Variants in ARHGAP42 observed in about 807,000 individuals in gnomAD.
The protein encoded by ARHGAP42 is rho GTPase-activating protein 42.
A neutral mutation model predicts 125.0 loss-of-function variants in ARHGAP42; 63 were observed. That is an observed-to-expected ratio of 0.50 (90% CI 0.41 to 0.62). ARHGAP42 has a LOEUF of 0.62. ARHGAP42 is among the 20% of genes least tolerant of loss of function. ARHGAP42 has a pLI of 0.00. For missense variants in ARHGAP42, 766 were observed against 1,024.2 expected (o/e 0.75, Z 3.44); for synonymous variants, 339 against 351.0 (o/e 0.97, Z 0.38).
At chr11:100,860,643 G>T (rs1865423884) in intron 4 of ARHGAP42, among the ~76,000 whole-genome samples, 1 of 151,894 alleles carries the variant, frequency 6.6e-6, no homozygotes, top group Admixed American at 6.6e-5. Flanking sequence ...TTGAAGTCTT[G>T]CCAGACTTCA....
chr11:100,728,722 A>G (rs1415638919), intron 1 of ARHGAP42, among the ~76,000 whole-genome samples: 10 of 40,354 alleles, frequency 2.5e-4, no homozygotes, highest in African/African-American at 5.4e-4. Context: ...GCGTATATAT[A>G]TATATATATA....
chr11:100,770,494 A>G (rs1862947102), intron 2 of ARHGAP42, 56 bp downstream of exon 2: 7 of 1,177,876 alleles, frequency 5.9e-6, no homozygotes, highest in East Asian at 2.6e-5. Context: ...ACTGAAATCA[A>G]ATAGACACAC....
At chr11:100,800,199 A>G (rs1173666688) in intron 3 of ARHGAP42, among the ~76,000 whole-genome samples, 3 of 152,212 alleles carry the variant, frequency 2.0e-5, no homozygotes, top group African/African-American at 7.2e-5. Flanking sequence ...ATGGTGCTGG[A>G]TTAAGGAGAC....
At chr11:100,708,387 C>T (rs1861511598) in intron 1 of ARHGAP42, among the ~76,000 whole-genome samples, 1 of 152,126 alleles carries the variant, frequency 6.6e-6, no homozygotes, top group South Asian at 2.1e-4. Flanking sequence ...GTGGCACACG[C>T]CTTTAGTCCC....
chr11:100,940,667 A>G (rs1867858160), intron 8 of ARHGAP42, among the ~76,000 whole-genome samples: 1 of 152,222 alleles, frequency 6.6e-6, no homozygotes, highest in African/African-American at 2.4e-5. Flanking sequence ...TTCATTTTAA[A>G]GAGTAATTTG....
chr11:100,924,171 A>C (rs1296863144), intron 6 of ARHGAP42, among the ~76,000 whole-genome samples: 2 of 152,138 alleles, frequency 1.3e-5, no homozygotes, highest in Non-Finnish European at 2.9e-5. Flanking sequence ...GCATTAGAGT[A>C]AAGCAAATGG....
intron 3 of ARHGAP42, among the ~76,000 whole-genome samples, chr11:100,796,513 A>G (rs991319503): frequency 6.6e-6 from 1 of 152,212 alleles, no homozygotes; most frequent in Non-Finnish European, 1.5e-5. Context: ...AAGTTTAGTG[A>G]AGAAGGCATG....
chr11:100,690,334 A>G (rs1010787487), intron 1 of ARHGAP42, among the ~76,000 whole-genome samples: 1 of 152,082 alleles, frequency 6.6e-6, no homozygotes, highest in Non-Finnish European at 1.5e-5. Flanking sequence ...TTCTAAGCAT[A>G]TTATATTATT....
At chr11:100,921,638 C>G (rs1384291361) in intron 6 of ARHGAP42, 34 bp downstream of exon 6, 1 of 1,278,594 alleles carries the variant, frequency 7.8e-7, no homozygotes, top group Non-Finnish European at 1.1e-6. Flanking sequence ...ATGGTGGGCT[C>G]AAAACAATCT....
At chr11:100,724,382 G>T (rs886189561) in intron 1 of ARHGAP42, among the ~76,000 whole-genome samples, 8 of 152,086 alleles carry the variant, frequency 5.3e-5, no homozygotes, top group African/African-American at 1.7e-4. Context: ...GTAAGAACTC[G>T]TGGAGAATTG....
At chr11:100,974,320 A>G (rs1028658838) in intron 18 of ARHGAP42, 139 bp from the exon 19 acceptor site, 1 of 763,178 alleles carries the variant, frequency 1.3e-6, no homozygotes, top group African/African-American at 1.7e-5. Flanking sequence ...AATACTCCAG[A>G]TAAATGGAAA....
At chr11:100,905,340 T>TA (rs1237898687) in intron 4 of ARHGAP42, among the ~76,000 whole-genome samples, 2 of 152,240 alleles carry the variant, frequency 1.3e-5, no homozygotes, top group Non-Finnish European at 2.9e-5. Context: ...GCTTAATTTA[T>TA]ATGCCTTCAC....
intron 3 of ARHGAP42, among the ~76,000 whole-genome samples, chr11:100,828,022 G>A (rs1447143465): frequency 6.6e-6 from 1 of 152,204 alleles, no homozygotes; most frequent in Non-Finnish European, 1.5e-5. Context: ...TCTCATCCCT[G>A]AGAGCAGGTG....
intron 2 of ARHGAP42, among the ~76,000 whole-genome samples, chr11:100,777,307 G>T (rs1412225412): frequency 1.3e-5 from 2 of 152,216 alleles, no homozygotes; most frequent in Non-Finnish European, 1.5e-5. Context: ...GAGGCTGGGT[G>T]TGCATCAGTG....
Position 100,704,363 on chromosome 11 carries a change from A to G in ARHGAP42, c.154+16531A>G, listed in dbSNP as rs1435507503. On this transcript the variant is annotated intron_variant, in intron 1 of 23. Coordinates refer to ENST00000298815, the MANE Select transcript of ARHGAP42 (RefSeq NM_152432.4). ...AGCTTTTGGGACAGCTTAGAAAGTGAAGCACAGGCCGGAAAAGGCCAGCCT... is the reference window on the plus strand; with the variant it reads ...AGCTTTTGGGACAGCTTAGAAAGTGGAGCACAGGCCGGAAAAGGCCAGCCT... Among the ~76,000 whole-genome samples, 8 of 152,224 alleles carry G rather than the reference A, an allele frequency of 5.3e-5. No individual in the cohort carries two copies. The East Asian group carries it at 1.5e-3, about 29-fold the overall frequency.
chr11:100,928,663 G>C (rs553934947), intron 6 of ARHGAP42, among the ~76,000 whole-genome samples: 5 of 151,996 alleles, frequency 3.3e-5, no homozygotes, highest in Non-Finnish European at 7.4e-5. Flanking sequence ...CAATTCAATG[G>C]AACTTTAGTA....
At chr11:100,749,488 TG>T (rs933303624) in intron 1 of ARHGAP42, among the ~76,000 whole-genome samples, 5 of 150,108 alleles carry the variant, frequency 3.3e-5, no homozygotes, top group Non-Finnish European at 5.9e-5. Context: ...TCGCCTGGCC[TG>T]CCCCGGAAGG....
At position 100,688,231 on chromosome 11, in the gene ARHGAP42, A is replaced by G. The variant is rs1298056966; in HGVS notation, c.154+399A>G. Among the ~76,000 whole-genome samples the G allele has an allele frequency of 3.3e-5, 5 of 152,130 alleles. No individual in the cohort carries two copies. The South Asian group carries it at 8.3e-4, about 25-fold the overall frequency. ...CTTAAAGATAAAATTAGGCTAGTTT[A>G]GTGATATTGAAAGAAAATTATTAAT... On this transcript the variant is annotated intron_variant, in intron 1 of 23. Coordinates refer to ENST00000298815, the MANE Select transcript of ARHGAP42 (RefSeq NM_152432.4).
intron 1 of ARHGAP42, among the ~76,000 whole-genome samples, chr11:100,767,063 C>T (rs1227111654): frequency 1.3e-5 from 2 of 152,182 alleles, no homozygotes; most frequent in African/African-American, 2.4e-5. Flanking sequence ...AAAGTTGAAA[C>T]TGCTATCAAC....
Sources: gnomAD v4.1 joint callset for allele counts (sites outside exome capture counted in the v4.1 genomes callset) on GRCh38, gnomAD v4.1.1 for gene constraint, MANE v1.5 for transcripts, NCBI Gene and HGNC (gene_info 2026-07-23, HGNC 2026-07-21) for gene names.